HSPA12A: variants seen among roughly 807,000 people sequenced by gnomAD.
HSPA12A encodes heat shock protein family A (Hsp70) member 12A, also known as heat shock 70 kDa protein 12A.
In HSPA12A, 28 loss-of-function variants were observed where a neutral mutation model predicts 69.2. The ratio of observed to expected loss-of-function variants is 0.40; its 90% CI spans 0.30 to 0.55. The LOEUF (loss-of-function observed/expected upper bound fraction) is 0.55, where lower values mean the gene tolerates loss of function less well. Ranked by LOEUF, HSPA12A falls within the 20% of genes least tolerant of loss-of-function variation. The pLI is 0.38. For missense variants in HSPA12A, 686 were observed against 900.7 expected, an observed-to-expected ratio of 0.76 and a Z score of 3.05; for synonymous variants, 345 against 370.5, an observed-to-expected ratio of 0.93 and a Z score of 0.79.
At chr10:116,749,635 A>G (rs1206047765) in intron 2 of HSPA12A, among the ~76,000 whole-genome samples, 1 of 152,194 alleles carries the variant, frequency 6.6e-6, no homozygotes, top group Non-Finnish European at 1.5e-5. Flanking sequence ...CAAATTATCA[A>G]ATTAGAAGAC....
At chr10:116,684,182 T>C (rs1238493867) in intron 6 of HSPA12A, among the ~76,000 whole-genome samples, 1 of 152,112 alleles carries the variant, frequency 6.6e-6, no homozygotes, top group Non-Finnish European at 1.5e-5. Context: ...AGAAAATGTA[T>C]AGGCACCCTG....
chr10:116,790,281 T>C (rs1452247324), intron 2 of HSPA12A, among the ~76,000 whole-genome samples: 1 of 151,824 alleles, frequency 6.6e-6, no homozygotes, highest in East Asian at 1.9e-4. Context: ...TTTTTTGTAT[T>C]TTTAGTAAAG....
At chr10:116,849,801 TTGCGCC>T (rs762876769), upstream of HSPA12A, 1,135 of 1,431,668 alleles carry the variant, frequency 7.9e-4, 1 homozygote, top group Non-Finnish European at 9.8e-4. Context: ...CGGCAACGCC[TTGCGCC>T]TGCGCCTGCG....
intron 2 of HSPA12A, among the ~76,000 whole-genome samples, chr10:116,823,240 A>G (rs1184285571): frequency 6.6e-6 from 1 of 152,262 alleles, no homozygotes; most frequent in African/African-American, 2.4e-5. Flanking sequence ...TTAGGAATGC[A>G]TTTAACAAAA....
At chr10:116,722,716 A>G (rs1389166827) in intron 1 of HSPA12A, among the ~76,000 whole-genome samples, 1 of 152,164 alleles carries the variant, frequency 6.6e-6, no homozygotes, top group Non-Finnish European at 1.5e-5. Flanking sequence ...GAATCCAACT[A>G]TGAGATCTCA....
intron 2 of HSPA12A, among the ~76,000 whole-genome samples, chr10:116,794,652 A>T (rs1844779813): frequency 6.6e-6 from 1 of 152,170 alleles, no homozygotes; most frequent in South Asian, 2.1e-4. Flanking sequence ...ATTTTTATTA[A>T]AAATACAAAA....
intron 2 of HSPA12A, among the ~76,000 whole-genome samples, chr10:116,803,546 G>A (rs1163283659): frequency 6.6e-6 from 1 of 152,168 alleles, no homozygotes; most frequent in Admixed American, 6.6e-5. Flanking sequence ...AAGGTTCCAG[G>A]AAAACACCCA....
intron 1 of HSPA12A, among the ~76,000 whole-genome samples, chr10:116,836,830 T>A (rs372731472): frequency 2.5e-4 from 38 of 152,116 alleles, no homozygotes; most frequent in Middle Eastern, 3.4e-3. Context: ...AAATTACATC[T>A]ATTCGTTCAG....
In HSPA12A at chr10:116,682,794, G is replaced by A. The variant is rs2133369124; in HGVS notation, c.836-917C>T. 1.3e-5 allele frequency among the ~76,000 whole-genome samples: 2 copies of A among 151,976 alleles called. 1 individual carries two copies. The highest frequency in any genetic ancestry group is 4.2e-4 in the South Asian group (2 of 4,800). On this transcript the variant is annotated intron_variant, in intron 7 of 11. Transcript: ENST00000369209. The stretch of plus-strand genomic sequence containing the variant: ...CGGCTCACTGCAAGCTCCGCCTCCC[G>A]GGTTCACGCCATTCTCCTGCCTCAG...
At chr10:116,804,029 C>T (rs1456077410) in intron 2 of HSPA12A, among the ~76,000 whole-genome samples, 2 of 152,154 alleles carry the variant, frequency 1.3e-5, no homozygotes, top group Non-Finnish European at 2.9e-5. Context: ...TCCTCATCCC[C>T]ACTCACAAAT....
At chr10:116,802,177 T>C (rs965732217) in intron 2 of HSPA12A, among the ~76,000 whole-genome samples, 1 of 152,130 alleles carries the variant, frequency 6.6e-6, no homozygotes, top group African/African-American at 2.4e-5. Flanking sequence ...ATATGGGGTG[T>C]TCTTTATGGC....
intron 2 of HSPA12A, among the ~76,000 whole-genome samples, chr10:116,812,838 G>C (rs1386131845): frequency 6.6e-6 from 1 of 152,194 alleles, no homozygotes; most frequent in Admixed American, 6.5e-5. Context: ...GCTTTGGGCA[G>C]CCTCACAGGA....
intron 2 of HSPA12A, chr10:116,833,042 G>T (rs1347907659): frequency 1.3e-5 from 2 of 152,176 alleles, no homozygotes; most frequent in Non-Finnish European, 2.9e-5. Flanking sequence ...CTCATTTCCA[G>T]AACTGTCACC....
At chr10:116,677,416 G>T (rs782486091) in intron 10 of HSPA12A, among the ~76,000 whole-genome samples, 1 of 152,230 alleles carries the variant, frequency 6.6e-6, no homozygotes, top group Admixed American at 6.5e-5. Flanking sequence ...TTTCCATGGC[G>T]TAGGCCAAAG....
intron 2 of HSPA12A, among the ~76,000 whole-genome samples, chr10:116,797,551 T>C (rs1383505888): frequency 1.3e-5 from 2 of 152,208 alleles, no homozygotes; most frequent in African/African-American, 4.8e-5. Context: ...GAGGCTGGAA[T>C]GTGAACCCAC....
At chr10:116,845,847 G>T (rs760410571) in intron 1 of HSPA12A, among the ~76,000 whole-genome samples, 1 of 151,994 alleles carries the variant, frequency 6.6e-6, no homozygotes, top group Non-Finnish European at 1.5e-5. Flanking sequence ...TCCTAATATC[G>T]ATGAAAAATA....
upstream of HSPA12A, among the ~76,000 whole-genome samples, chr10:116,747,435 C>T (rs782119189): frequency 1.3e-5 from 2 of 152,194 alleles, no homozygotes; most frequent in Admixed American, 6.5e-5. Flanking sequence ...GCAAAGCTGC[C>T]GGTTCATTAA....
chr10:116,833,195 G>T (rs1039669477), intron 2 of HSPA12A: 1 of 152,112 alleles, frequency 6.6e-6, no homozygotes, highest in Non-Finnish European at 1.5e-5. Flanking sequence ...AACATGTTCC[G>T]TCTGTTCACG....
At chr10:116,811,661 A>G (rs1589720484) in intron 2 of HSPA12A, among the ~76,000 whole-genome samples, 1 of 150,910 alleles carries the variant, frequency 6.6e-6, no homozygotes, top group South Asian at 2.1e-4. Context: ...AAACATCTTC[A>G]CATCTATTAA....
Sources: gnomAD v4.1 joint callset for allele counts (sites outside exome capture counted in the v4.1 genomes callset) on GRCh38, gnomAD v4.1.1 for gene constraint, MANE v1.5 for transcripts, NCBI Gene and HGNC (gene_info 2026-07-23, HGNC 2026-07-21) for gene names.